ZC3H6: variants seen among roughly 807,000 people sequenced by gnomAD.
ZC3H6 encodes zinc finger CCCH-type containing 6.
In ZC3H6, 40 loss-of-function variants were observed where a neutral mutation model predicts 107.7. That is an observed-to-expected ratio of 0.37 (90% CI 0.29 to 0.48). The LOEUF (loss-of-function observed/expected upper bound fraction) is 0.48, where lower values mean the gene tolerates loss of function less well. Ranked by LOEUF, ZC3H6 falls within the 20% of genes least tolerant of loss-of-function variation. ZC3H6 has a pLI of 0.98. For missense variants in ZC3H6, 1,267 were observed against 1,410.4 expected (o/e 0.90, Z 1.63); for synonymous variants, 493 against 487.9 (o/e 1.01, Z -0.14).
chr2:112,332,515 C>T lies in ZC3H6; in HGVS notation c.*27C>T. ...TATTGTGTAACTGAGCAATTCTTTT[C>T]ACTCTTGTGACTATCTCAGTCCTCT... On this transcript the variant is annotated 3_prime_UTR_variant, in exon 12 of 12. Transcript: ENST00000409871. 1 of 1,576,398 alleles carries T rather than the reference C, an allele frequency of 6.3e-7. No homozygotes were observed. Among genetic ancestry groups the T allele is most frequent in the East Asian group, 2.2e-5 (1 of 44,772 alleles).
chr2:112,303,907 G>A (rs1359297798), intron 3 of ZC3H6, among the ~76,000 whole-genome samples: 1 of 152,146 alleles, frequency 6.6e-6, no homozygotes, highest in Admixed American at 6.5e-5. Flanking sequence ...GTTTATTGGG[G>A]TATATATTTA....
chr2:112,293,611 T>C (rs1676160681), intron 1 of ZC3H6, among the ~76,000 whole-genome samples: 1 of 152,224 alleles, frequency 6.6e-6, no homozygotes, highest in Non-Finnish European at 1.5e-5. Flanking sequence ...GGATCTTCCA[T>C]GGCCCCAGTG....
chr2:112,332,499 A>G lies in ZC3H6; in HGVS notation c.*11A>G. The stretch of plus-strand genomic sequence containing the variant: ...TCACCATTTTGTTAGCTATTGTGTA[A>G]CTGAGCAATTCTTTTCACTCTTGTG... On this transcript the variant is annotated 3_prime_UTR_variant, in exon 12 of 12. Transcript: ENST00000409871. The G allele has an allele frequency of 6.3e-7, 1 of 1,591,288 alleles. No homozygotes were observed. Among genetic ancestry groups the G allele is most frequent in the Non-Finnish European group, 8.5e-7 (1 of 1,170,048 alleles).
At chr2:112,290,467 T>A (rs994394682) in intron 1 of ZC3H6, among the ~76,000 whole-genome samples, 1 of 152,288 alleles carries the variant, frequency 6.6e-6, no homozygotes, top group Admixed American at 6.5e-5. Flanking sequence ...TAGCACCATT[T>A]ACCTACTTCG....
intron 6 of ZC3H6, 130 bp from the exon 7 acceptor site, chr2:112,317,091 T>G (rs567679274): frequency 3.5e-6 from 2 of 576,330 alleles, no homozygotes; most frequent in East Asian, 3.1e-5. Context: ...ATTTGTTCAT[T>G]ATTAAAGACT....
In ZC3H6 at chr2:112,338,858, TA is replaced by T. The variant is rs771641580; in HGVS notation, c.*6371del. On this transcript the variant is annotated 3_prime_UTR_variant, in exon 12 of 12. Transcript: ENST00000409871. ...ATATATATGTATGTATATGTGTGTA[TA>T]TATATATATATATATATATATATAT... The T allele has an allele frequency of 0.44, 1,052 of 2,398 alleles. 44 individuals carry two copies. The highest frequency in any genetic ancestry group is 0.5 in the Middle Eastern group (2 of 4). 0.1% of individuals were successfully genotyped at this position (2,398 alleles called of 1,614,324 possible).
Position 112,331,854 on chromosome 2 carries a change from CAG to C in ZC3H6, c.2939_2940del (p.Glu980ValfsTer34). On this transcript the variant is annotated frameshift_variant, in exon 12 of 12. Transcript: ENST00000409871. LOFTEE classifies it high-confidence loss of function. ...CCTAGGCTTCACAGACTGCCCAATACAGAGTCTCATCAAGTGGTTATGAAGGA... is the reference window on the plus strand; with the variant it reads ...CCTAGGCTTCACAGACTGCCCAATACAGTCTCATCAAGTGGTTATGAAGGA... 2 of 1,613,894 alleles carry C rather than the reference CAG, an allele frequency of 1.2e-6. No individual in the cohort carries two copies. The highest frequency in any genetic ancestry group is 1.7e-6 in the Non-Finnish European group (2 of 1,179,878).
chr2:112,298,663 T>C (rs1025617611), intron 1 of ZC3H6, among the ~76,000 whole-genome samples: 1 of 152,248 alleles, frequency 6.6e-6, no homozygotes, highest in African/African-American at 2.4e-5. Context: ...CCCAGCTCTA[T>C]GTGAATTATT....
Position 112,312,655 on chromosome 2 carries a change from G to A in ZC3H6, c.747+718G>A, listed in dbSNP as rs1049713614. Among the ~76,000 whole-genome samples the A allele has an allele frequency of 2.0e-5, 3 of 152,254 alleles. No individual in the cohort carries two copies. The South Asian group carries it at 6.2e-4, about 32-fold the overall frequency. ...AGTCGGACAGATCCTGAGGTCAGGAGTTCAAGACCAGCCTGGCCAACATGG... is the reference window on the plus strand; with the variant it reads ...AGTCGGACAGATCCTGAGGTCAGGAATTCAAGACCAGCCTGGCCAACATGG... On this transcript the variant is annotated intron_variant, in intron 5 of 11. Transcript: ENST00000409871.
chr2:112,285,819 G>T (rs1184317785), intron 1 of ZC3H6, among the ~76,000 whole-genome samples: 1 of 152,004 alleles, frequency 6.6e-6, no homozygotes, highest in African/African-American at 2.4e-5. Context: ...AAATTAGCTG[G>T]GTGTGGTGGC....
chr2:112,289,103 CT>C (rs919668768), intron 1 of ZC3H6, among the ~76,000 whole-genome samples: 4 of 150,184 alleles, frequency 2.7e-5, no homozygotes, highest in Non-Finnish European at 4.4e-5. Context: ...GTTGCCCAGG[CT>C]GGAGTGCAGT....
rs971639264 is a variant in ZC3H6 at position 112,334,822 on chromosome 2, C to T, written c.*2334C>T. 1 of 152,504 alleles carries T rather than the reference C, an allele frequency of 6.6e-6. No individual in the cohort carries two copies. The highest frequency in any genetic ancestry group is 2.4e-5 in the African/African-American group (1 of 41,402). The allele number at this position is 152,504 out of a possible 1,614,324, so 9.4% of individuals were successfully genotyped here. A position where few individuals can be genotyped will look rare whatever the true frequency, so the allele number is the denominator to read the frequency against. On this transcript the variant is annotated 3_prime_UTR_variant, in exon 12 of 12. Transcript: ENST00000409871. ...AGTAGCCATTTTCCCCCAATGAATACCTCTTCTTTTAGGTCAATTGGTGTT... is the reference window on the plus strand; with the variant it reads ...AGTAGCCATTTTCCCCCAATGAATATCTCTTCTTTTAGGTCAATTGGTGTT...
rs1677106555 is a variant in ZC3H6 at position 112,334,679 on chromosome 2, C to G, written c.*2191C>G. ...ATGAAAATGTTTATGTTTAAAATAA[C>G]TTATTTATTATGCAGCATTTTTATT... On this transcript the variant is annotated 3_prime_UTR_variant, in exon 12 of 12. Coordinates refer to ENST00000409871, the MANE Select transcript of ZC3H6 (RefSeq NM_198581.3). The G allele has an allele frequency of 6.6e-6, 1 of 152,330 alleles. No homozygotes were observed. The highest frequency in any genetic ancestry group is 1.5e-5 in the Non-Finnish European group (1 of 67,906). 9.4% of individuals were successfully genotyped at this position (152,330 alleles called of 1,614,324 possible). A position where few individuals can be genotyped will look rare whatever the true frequency, so the allele number is the denominator to read the frequency against.
chr2:112,301,730 A>G (rs1375434531), intron 2 of ZC3H6, among the ~76,000 whole-genome samples: 1 of 152,066 alleles, frequency 6.6e-6, no homozygotes, highest in Non-Finnish European at 1.5e-5. Flanking sequence ...TAGAATAATA[A>G]CAAAACAAAA....
rs369806460 is a variant in ZC3H6, at chr2:112,324,311, A to T, written c.1500A>T (p.Gly500=). The change falls in exon 10 of 12, where the codon GGA becomes GGT. Residue 500 remains glycine (G), a synonymous_variant. Coordinates refer to ENST00000409871, the MANE Select transcript of ZC3H6 (RefSeq NM_198581.3). ...CTGTGATGCACCCAGGCTCCCCTGG[A>T]CATCACCCATGTGCAGGACCTCCTG... ...SSPVMHPGSP[G]HHPCAGPPGL... is the part of the protein sequence containing the mutation. 2 of 1,614,002 alleles carry T rather than the reference A, an allele frequency of 1.2e-6. No individual in the cohort carries two copies. The highest frequency in any genetic ancestry group is 1.7e-5 in the Admixed American group (1 of 60,026).
chr2:112,301,910 A>C (rs1676386257), intron 2 of ZC3H6, among the ~76,000 whole-genome samples: 1 of 152,064 alleles, frequency 6.6e-6, no homozygotes, highest in South Asian at 2.1e-4. Flanking sequence ...TGAAATAACT[A>C]TCAAAAAGGA....
At chr2:112,307,058 A>G (rs1466612126) in intron 3 of ZC3H6, among the ~76,000 whole-genome samples, 1 of 152,166 alleles carries the variant, frequency 6.6e-6, no homozygotes, top group African/African-American at 2.4e-5. Context: ...TACTTTTTTT[A>G]AGAGAGACAA....
intron 2 of ZC3H6, among the ~76,000 whole-genome samples, chr2:112,302,207 T>G (rs1433229230): frequency 1.3e-5 from 2 of 152,170 alleles, no homozygotes; most frequent in Non-Finnish European, 2.9e-5. Context: ...TAGACACTAT[T>G]TATTTTAAAT....
chr2:112,314,301 G>A (rs1224202136), intron 5 of ZC3H6, among the ~76,000 whole-genome samples: 2 of 151,800 alleles, frequency 1.3e-5, no homozygotes, highest in Non-Finnish European at 2.9e-5. Flanking sequence ...CATATCTTCT[G>A]GGCACTTAAT....
Sources: allele counts gnomAD v4.1 joint callset (sites outside exome capture counted in the v4.1 genomes callset), GRCh38; gene constraint gnomAD v4.1.1; transcripts MANE v1.5; gene names NCBI Gene and HGNC (gene_info 2026-07-23, HGNC 2026-07-21).